ST6GALNAC3: variants seen among roughly 807,000 people sequenced by gnomAD.
ST6GALNAC3 encodes the protein ST6 N-acetylgalactosaminide alpha-2,6-sialyltransferase 3, also known as alpha-N-acetylgalactosaminide alpha-2,6-sialyltransferase 3.
ST6GALNAC3 carries 25 observed loss-of-function variants against 32.7 expected under a neutral mutation model. The ratio of observed to expected loss-of-function variants is 0.76; its 90% CI spans 0.56 to 1.07. The LOEUF (loss-of-function observed/expected upper bound fraction) is 1.07, where lower values mean the gene tolerates loss of function less well. Ranked by LOEUF, ST6GALNAC3 falls within the 50% of genes least tolerant of loss-of-function variation. The pLI is 0.00. For synonymous variants in ST6GALNAC3, 129 were observed against 133.1 expected, an observed-to-expected ratio of 0.97 and a Z score of 0.21; for missense variants, 355 against 382.4, an observed-to-expected ratio of 0.93 and a Z score of 0.60.
chr1:76,372,077 G>A (rs1318513547), intron 2 of ST6GALNAC3, among the ~76,000 whole-genome samples: 1 of 152,070 alleles, frequency 6.6e-6, no homozygotes, highest in Non-Finnish European at 1.5e-5. Flanking sequence ...CTTATCTGGG[G>A]AGAACACACA....
At chr1:76,528,636 A>G (rs1463177434) in intron 3 of ST6GALNAC3, among the ~76,000 whole-genome samples, 2 of 152,062 alleles carry the variant, frequency 1.3e-5, no homozygotes, top group Non-Finnish European at 2.9e-5. Context: ...GCTCGAAAGC[A>G]TCTTAGGATA....
At chr1:76,487,740 T>A (rs1392569999) in intron 3 of ST6GALNAC3, among the ~76,000 whole-genome samples, 2 of 152,210 alleles carry the variant, frequency 1.3e-5, no homozygotes, top group Non-Finnish European at 2.9e-5. Context: ...AAAGTCATTC[T>A]CCATCCACCT....
intron 3 of ST6GALNAC3, among the ~76,000 whole-genome samples, chr1:76,420,689 C>T (rs1654970388): frequency 6.6e-6 from 1 of 152,052 alleles, no homozygotes; most frequent in Non-Finnish European, 1.5e-5. Flanking sequence ...ACTACCACTG[C>T]TCTAGTTTAG....
chr1:76,600,129 T>C (rs561913904), intron 3 of ST6GALNAC3, among the ~76,000 whole-genome samples: 1 of 151,660 alleles, frequency 6.6e-6, no homozygotes, highest in East Asian at 1.9e-4. Flanking sequence ...GTCCTCACGA[T>C]TGGGATTAGT....
At chr1:76,577,734 G>A (rs1160173213) in intron 3 of ST6GALNAC3, among the ~76,000 whole-genome samples, 1 of 152,012 alleles carries the variant, frequency 6.6e-6, no homozygotes, top group East Asian at 1.9e-4. Context: ...TGTGTAATCA[G>A]AGATTCCCGG....
At chr1:76,167,891 G>A (rs1175344974) in intron 1 of ST6GALNAC3, among the ~76,000 whole-genome samples, 8 of 151,750 alleles carry the variant, frequency 5.3e-5, no homozygotes, top group Non-Finnish European at 8.8e-5. Context: ...TTCTTTATTA[G>A]TTTAGCTAGT....
intron 1 of ST6GALNAC3, among the ~76,000 whole-genome samples, chr1:76,194,120 C>T (rs536278945): frequency 2.0e-5 from 3 of 152,202 alleles, no homozygotes; most frequent in African/African-American, 7.2e-5. Context: ...AGGCTTAGAC[C>T]AGGGAGCTTT....
In ST6GALNAC3 at chr1:76,328,233, G is replaced by C. The variant is rs562786066; in HGVS notation, c.213+14234G>C. Among the ~76,000 whole-genome samples, 5 of 152,256 alleles carry C rather than the reference G, an allele frequency of 3.3e-5. No individual in the cohort carries two copies. In the East Asian group the frequency reaches 7.7e-4, roughly 24 times the overall value. Reference sequence around the variant, plus strand: ...CAGACTGGCCTTACTTCCTTTGCTCGGGAGTCACCTGCCTATAACTCTCAT... The same window carrying C: ...CAGACTGGCCTTACTTCCTTTGCTCCGGAGTCACCTGCCTATAACTCTCAT... On this transcript the variant is annotated intron_variant, in intron 2 of 4. Coordinates refer to ENST00000328299, the MANE Select transcript of ST6GALNAC3 (RefSeq NM_152996.4).
At chr1:76,098,429 TG>T (rs1453832928) in intron 1 of ST6GALNAC3, among the ~76,000 whole-genome samples, 1 of 152,218 alleles carries the variant, frequency 6.6e-6, no homozygotes, top group Non-Finnish European at 1.5e-5. Context: ...AAGTTCCTTT[TG>T]CTTCTGGACA....
intron 3 of ST6GALNAC3, among the ~76,000 whole-genome samples, chr1:76,579,634 G>A (rs1432024334): frequency 6.6e-6 from 1 of 151,008 alleles, no homozygotes; most frequent in African/African-American, 2.4e-5. Flanking sequence ...TTTTCTTCTT[G>A]CAGTTCATTT....
At chr1:76,425,007 A>G (rs1305039845) in intron 3 of ST6GALNAC3, among the ~76,000 whole-genome samples, 9 of 151,990 alleles carry the variant, frequency 5.9e-5, no homozygotes, top group Non-Finnish European at 1.3e-4. Flanking sequence ...TTAATTAGGC[A>G]TTCCCAAAAA....
At chr1:76,116,123 T>C (rs369754245) in intron 1 of ST6GALNAC3, among the ~76,000 whole-genome samples, 1 of 151,962 alleles carries the variant, frequency 6.6e-6, no homozygotes, top group African/African-American at 2.4e-5. Context: ...AAGTGGAAGA[T>C]AAGTTGAGGG....
intron 1 of ST6GALNAC3, among the ~76,000 whole-genome samples, chr1:76,228,961 G>A (rs56023908): frequency 0.07 from 10,651 of 152,204 alleles, 920 homozygotes; most frequent in African/African-American, 0.21. Context: ...GGATGGAGAA[G>A]GAGCCACCCA....
chr1:76,191,248 C>G (rs1570379582), intron 1 of ST6GALNAC3, among the ~76,000 whole-genome samples: 1 of 151,682 alleles, frequency 6.6e-6, no homozygotes, highest in East Asian at 1.9e-4. Context: ...TTGAAGTAAC[C>G]AGACACCAAA....
At chr1:76,480,700 T>C (rs1030101993) in intron 3 of ST6GALNAC3, among the ~76,000 whole-genome samples, 2 of 152,148 alleles carry the variant, frequency 1.3e-5, no homozygotes, top group Non-Finnish European at 1.5e-5. Flanking sequence ...GTAAATGTTA[T>C]GTAGGTATTA....
intron 1 of ST6GALNAC3, among the ~76,000 whole-genome samples, chr1:76,170,341 A>G (rs908108008): frequency 1.6e-4 from 24 of 152,088 alleles, no homozygotes; most frequent in African/African-American, 4.6e-4. Context: ...TGGCAACTAT[A>G]TGTATGGTTG....
intron 1 of ST6GALNAC3, among the ~76,000 whole-genome samples, chr1:76,233,237 T>C (rs1292969478): frequency 2.0e-5 from 3 of 152,214 alleles, no homozygotes. Context: ...TTTGGTGGTA[T>C]CTGATATGAT....
intron 2 of ST6GALNAC3, among the ~76,000 whole-genome samples, chr1:76,343,589 G>T (rs1648246253): frequency 6.6e-6 from 1 of 152,142 alleles, no homozygotes; most frequent in South Asian, 2.1e-4. Context: ...TTGGAACCAT[G>T]GTCTGTCAAA....
At chr1:76,521,642 C>T (rs2101792049) in intron 3 of ST6GALNAC3, among the ~76,000 whole-genome samples, 1 of 152,132 alleles carries the variant, frequency 6.6e-6, no homozygotes, top group East Asian at 1.9e-4. Flanking sequence ...CTTAATATTT[C>T]CTTTAGTACA....
Sources: allele counts gnomAD v4.1 joint callset (sites outside exome capture counted in the v4.1 genomes callset), GRCh38; gene constraint gnomAD v4.1.1; transcripts MANE v1.5; gene names NCBI Gene and HGNC (gene_info 2026-07-23, HGNC 2026-07-21).